CDYL2: variants seen among roughly 807,000 people sequenced by gnomAD.
The protein encoded by CDYL2 is chromodomain Y like 2.
CDYL2 carries 23 observed loss-of-function variants against 49.4 expected under a neutral mutation model. The observed-to-expected ratio is 0.47, with a 90% CI of 0.34 to 0.66. The LOEUF (loss-of-function observed/expected upper bound fraction) is 0.66. Ranked by LOEUF, CDYL2 falls within the 30% of genes least tolerant of loss-of-function variation. The pLI, the probability that CDYL2 is intolerant of heterozygous loss-of-function variation, is 0.01. For synonymous variants in CDYL2, 360 were observed against 268.8 expected, an observed-to-expected ratio of 1.34 and a Z score of -3.32; for missense variants, 678 against 656.4, an observed-to-expected ratio of 1.03 and a Z score of -0.36.
At chr16:80,643,910 G>T (rs1330563351) in intron 2 of CDYL2, among the ~76,000 whole-genome samples, 4 of 152,246 alleles carry the variant, frequency 2.6e-5, no homozygotes, top group Non-Finnish European at 5.9e-5. Context: ...CTGTCTTGGG[G>T]ATTAACATTC....
intron 2 of CDYL2, among the ~76,000 whole-genome samples, chr16:80,666,381 A>G (rs1909263348): frequency 6.6e-6 from 1 of 152,192 alleles, no homozygotes; most frequent in Non-Finnish European, 1.5e-5. Flanking sequence ...AAATTACATG[A>G]TTTGGGCATT....
At chr16:80,646,564 G>T (rs1340309507) in intron 2 of CDYL2, among the ~76,000 whole-genome samples, 1 of 152,186 alleles carries the variant, frequency 6.6e-6, no homozygotes, top group Non-Finnish European at 1.5e-5. Context: ...GCCAAGGAAG[G>T]CAGATCACGA....
At chr16:80,632,245 T>G (rs893795088) in intron 3 of CDYL2, among the ~76,000 whole-genome samples, 4 of 152,152 alleles carry the variant, frequency 2.6e-5, no homozygotes, top group African/African-American at 9.7e-5. Context: ...ATAAAAGGAA[T>G]GAAGTATGGA....
chr16:80,633,006 C>T lies in CDYL2; in HGVS notation c.834+13G>A, dbSNP rs73592251. 1.3e-4 allele frequency: 214 copies of T among 1,609,924 alleles called. No homozygotes were observed. Among genetic ancestry groups the T allele is most frequent in the South Asian group, 6.7e-4 (61 of 90,990 alleles). ...AGCCCAGCTTGCCCTTCCCTCTGGC[C>T]GCCACCCCTTACCTCAGGTGTCAGG... On this transcript the variant is annotated intron_variant, in intron 3 of 6. Coordinates refer to ENST00000570137, the MANE Select transcript of CDYL2 (RefSeq NM_152342.4).
chr16:80,672,923 A>G (rs1390261618), intron 2 of CDYL2, among the ~76,000 whole-genome samples: 2 of 152,224 alleles, frequency 1.3e-5, no homozygotes, highest in African/African-American at 4.8e-5. Context: ...GCTGGCTTGT[A>G]CAAAACACTG....
intron 1 of CDYL2, among the ~76,000 whole-genome samples, chr16:80,702,388 T>G (rs568816494): frequency 4.6e-5 from 7 of 152,052 alleles, no homozygotes; most frequent in Non-Finnish European, 7.4e-5. Flanking sequence ...TAGAAAAAAA[T>G]TAAGTGGCAT....
chr16:80,734,467 C>T (rs1212573473), intron 1 of CDYL2, among the ~76,000 whole-genome samples: 2 of 152,072 alleles, frequency 1.3e-5, no homozygotes, highest in Admixed American at 6.6e-5. Flanking sequence ...GATTTGGAAA[C>T]CAGACATGGT....
rs115852875 is a variant in CDYL2, at chr16:80,758,366, T to C, written c.24+45784A>G. Among the ~76,000 whole-genome samples the C allele has an allele frequency of 7.1e-3, 1,079 of 152,164 alleles. 20 individuals carry two copies. The highest frequency in any genetic ancestry group is 0.024 in the African/African-American group (998 of 41,522). ...ATAACTACAATAATAAACAAAAGTA[T>C]AAAAAACCTAGATGTACATCTTGAG... On this transcript the variant is annotated intron_variant, in intron 1 of 6. Coordinates refer to ENST00000570137, the MANE Select transcript of CDYL2 (RefSeq NM_152342.4).
intron 1 of CDYL2, among the ~76,000 whole-genome samples, chr16:80,697,071 C>T (rs1432578045): frequency 6.6e-6 from 1 of 152,104 alleles, no homozygotes; most frequent in Non-Finnish European, 1.5e-5. Flanking sequence ...CAAACTCATT[C>T]TATGAGGCCA....
At chr16:80,692,490 G>A (rs1279709093) in intron 1 of CDYL2, among the ~76,000 whole-genome samples, 1 of 152,188 alleles carries the variant, frequency 6.6e-6, no homozygotes, top group African/African-American at 2.4e-5. Context: ...AGGTACTTCA[G>A]AGAACAATTT....
chr16:80,695,448 T>C (rs1185853969), intron 1 of CDYL2, among the ~76,000 whole-genome samples: 1 of 152,100 alleles, frequency 6.6e-6, no homozygotes, highest in Non-Finnish European at 1.5e-5. Context: ...AGTTAAAAGA[T>C]AAAGAATGAC....
chr16:80,731,982 G>C (rs1365989016), intron 1 of CDYL2, among the ~76,000 whole-genome samples: 1 of 151,558 alleles, frequency 6.6e-6, no homozygotes, highest in African/African-American at 2.4e-5. Flanking sequence ...AGATGCACTA[G>C]GCCGCAAGGA....
At chr16:80,723,311 A>C (rs1905059908) in intron 1 of CDYL2, among the ~76,000 whole-genome samples, 1 of 152,098 alleles carries the variant, frequency 6.6e-6, no homozygotes, top group African/African-American at 2.4e-5. Context: ...TATTAAGTAA[A>C]CCCTAGCTTG....
rs572215455 is a variant in CDYL2, at chr16:80,612,173, G to T, written c.1218+453C>A. Among the ~76,000 whole-genome samples, 2 of 152,320 alleles carry T rather than the reference G, an allele frequency of 1.3e-5. No homozygotes were observed. Among genetic ancestry groups the T allele is most frequent in the East Asian group, 3.9e-4 (2 of 5,170 alleles). ...GGCCTGGCCCATGAAGCCCTCCAGG[G>T]TGATGCTTCTGGCTCTCTCTTCTCT... is the stretch of plus-strand genomic sequence containing the variant. On this transcript the variant is annotated intron_variant, in intron 5 of 6. Coordinates refer to ENST00000570137, the MANE Select transcript of CDYL2 (RefSeq NM_152342.4). This position sits in a 1 kb window ranked among gnomAD's most constrained non-coding sequence, Gnocchi z 5.0.
At chr16:80,765,310 A>G (rs958741223) in intron 1 of CDYL2, among the ~76,000 whole-genome samples, 11 of 151,848 alleles carry the variant, frequency 7.2e-5, no homozygotes, top group African/African-American at 2.7e-4. Context: ...GGATGACAGA[A>G]CACCTGTAAG....
In CDYL2 at chr16:80,626,087, C is replaced by T. The variant is rs138860367; in HGVS notation, c.835-5152G>A. On this transcript the variant is annotated intron_variant, in intron 3 of 6. Transcript: ENST00000570137. ...GGCAGATTGCCTGAGCTCAGGAGTT[C>T]GAGGCCAGCCTGGGCAACATGATGA... Among the ~76,000 whole-genome samples, 999 of 150,956 alleles carry T rather than the reference C, an allele frequency of 6.6e-3. 15 individuals carry two copies. The highest frequency in any genetic ancestry group is 0.024 in the African/African-American group (970 of 41,060).
chr16:80,648,531 C>T (rs1294648674), intron 2 of CDYL2, among the ~76,000 whole-genome samples: 4 of 151,936 alleles, frequency 2.6e-5, no homozygotes, highest in Non-Finnish European at 5.9e-5. Flanking sequence ...AAAGAAAAGT[C>T]TGGGACCCAA....
intron 6 of CDYL2, among the ~76,000 whole-genome samples, chr16:80,605,466 C>T (rs1258064285): frequency 6.7e-6 from 1 of 148,738 alleles, no homozygotes; most frequent in East Asian, 2.0e-4. Flanking sequence ...TTACTACCAT[C>T]ATCATAGTAA....
In CDYL2 at chr16:80,603,762, T is replaced by C. The variant is rs1258572970; in HGVS notation, c.*626A>G. On this transcript the variant is annotated 3_prime_UTR_variant, in exon 7 of 7. Coordinates refer to ENST00000570137, the MANE Select transcript of CDYL2 (RefSeq NM_152342.4). ...ATATAATACACATAAATTATCAGAA[T>C]TTCCACTTACATTGTTTTAAAAATA... 6.5e-6 allele frequency: 1 copy of C among 152,688 alleles called. No homozygotes were observed. The highest frequency in any genetic ancestry group is 1.9e-4 in the East Asian group (1 of 5,204). 9.5% of individuals were successfully genotyped at this position (152,688 alleles called of 1,614,324 possible). A position where few individuals can be genotyped will look rare whatever the true frequency, so the allele number is the denominator to read the frequency against.
Sources: gnomAD v4.1 joint callset for allele counts (sites outside exome capture counted in the v4.1 genomes callset) on GRCh38, gnomAD v4.1.1 for gene constraint, Gnocchi (gnomAD v3.1) non-coding constraint, MANE v1.5 for transcripts, NCBI Gene and HGNC (gene_info 2026-07-23, HGNC 2026-07-21) for gene names.